The following CACNA2D1 variants were observed in gnomAD, a reference collection of about 807,000 sequenced individuals.
The protein encoded by CACNA2D1 is voltage-dependent calcium channel subunit alpha-2/delta-1.
A neutral mutation model predicts 171.5 loss-of-function variants in CACNA2D1; 53 were observed. That is an observed-to-expected ratio of 0.31 (90% CI 0.25 to 0.39). The LOEUF (loss-of-function observed/expected upper bound fraction) is 0.39. Among genes scored for constraint, CACNA2D1 ranks in the 10% least tolerant of loss-of-function variants. CACNA2D1 has a pLI of 1.00. For missense variants in CACNA2D1, 903 were observed against 1,299.8 expected (o/e 0.69, Z 4.69); for synonymous variants, 442 against 443.1 (o/e 1.00, Z 0.03).
intron 6 of CACNA2D1, among the ~76,000 whole-genome samples, chr7:82,095,096 C>T (rs1330359443): frequency 6.6e-6 from 1 of 152,162 alleles, no homozygotes; most frequent in Non-Finnish European, 1.5e-5. Context: ...CAAGCCATAA[C>T]AAGACTTTTG....
chr7:82,376,277 A>C (rs917190), intron 1 of CACNA2D1, among the ~76,000 whole-genome samples: 110,454 of 152,020 alleles, frequency 0.73, 40,480 homozygotes, highest in African/African-American at 0.83. Context: ...ATGAAACAAG[A>C]TTTAATGCAC....
At chr7:82,130,032 T>A (rs1270596649) in intron 5 of CACNA2D1, among the ~76,000 whole-genome samples, 1 of 152,192 alleles carries the variant, frequency 6.6e-6, no homozygotes, top group Non-Finnish European at 1.5e-5. Flanking sequence ...AATTAAAGTA[T>A]GGGGAAGTAA....
At chr7:82,017,598 G>C (rs953525356) in intron 12 of CACNA2D1, among the ~76,000 whole-genome samples, 3 of 147,626 alleles carry the variant, frequency 2.0e-5, no homozygotes, top group Non-Finnish European at 4.5e-5. Flanking sequence ...TTGATACCCT[G>C]CTTCTTCAGA....
upstream of CACNA2D1, chr7:82,443,807 C>A (rs1012262350): frequency 3.8e-5 from 32 of 853,138 alleles, no homozygotes; most frequent in African/African-American, 5.3e-5. Context: ...CTGATTTATT[C>A]CCCCGATTGC....
Position 82,116,961 on chromosome 7 carries a change from CT to C in CACNA2D1, c.526+82del, listed in dbSNP as rs543569119. The C allele has an allele frequency of 2.6e-4, 380 of 1,462,236 alleles. 1 individual carries two copies. The African/African-American group carries it at 3.7e-3, about 14-fold the overall frequency. The allele number at this position is 1,462,236 out of a possible 1,614,324, so 90.6% of individuals were successfully genotyped here. On this transcript the variant is annotated intron_variant, in intron 6 of 38. Transcript: ENST00000356860. The stretch of plus-strand genomic sequence containing the variant: ...CAAACAAAACAATGTCACATTTGCT[CT>C]TTTTTTTCCCCCTCAAACATGGGAA...
intron 3 of CACNA2D1, among the ~76,000 whole-genome samples, chr7:82,293,143 T>C (rs1043068143): frequency 3.3e-5 from 5 of 152,096 alleles, no homozygotes; most frequent in African/African-American, 1.2e-4. Flanking sequence ...TGAATTTTTA[T>C]AAATTATCTC....
intron 3 of CACNA2D1, among the ~76,000 whole-genome samples, chr7:82,294,698 T>G (rs903492200): frequency 6.6e-6 from 1 of 152,130 alleles, no homozygotes; most frequent in African/African-American, 2.4e-5. Context: ...TTAAAGCAGT[T>G]ATATATCTGA....
intron 7 of CACNA2D1, among the ~76,000 whole-genome samples, chr7:82,082,859 C>T (rs962271901): frequency 2.6e-5 from 4 of 151,732 alleles, no homozygotes; most frequent in Admixed American, 1.3e-4. Flanking sequence ...AGCCATCATC[C>T]CTCAATTAGC....
chr7:82,196,816 A>T (rs1482219878), intron 3 of CACNA2D1, among the ~76,000 whole-genome samples: 3 of 147,076 alleles, frequency 2.0e-5, no homozygotes, highest in Non-Finnish European at 4.5e-5. Flanking sequence ...CATCTGGTAC[A>T]TTTTTTTTTT....
intron 1 of CACNA2D1, among the ~76,000 whole-genome samples, chr7:82,407,435 TATTA>T (rs1054758497): frequency 2.6e-5 from 4 of 152,348 alleles, no homozygotes; most frequent in Non-Finnish European, 2.9e-5. Flanking sequence ...TACTGTTATT[TATTA>T]ATTGATTTTT....
chr7:82,321,436 AC>A (rs1055180193), intron 3 of CACNA2D1, among the ~76,000 whole-genome samples: 7 of 151,840 alleles, frequency 4.6e-5, no homozygotes, highest in African/African-American at 1.7e-4. Context: ...ATAGAGTCTT[AC>A]CCCCTCCTCA....
intron 1 of CACNA2D1, among the ~76,000 whole-genome samples, chr7:82,353,545 C>T (rs1294433312): frequency 6.6e-6 from 1 of 151,300 alleles, no homozygotes; most frequent in Non-Finnish European, 1.5e-5. Context: ...GAGTGTACAG[C>T]GAAAGGAAGG....
At chr7:82,072,430 T>C (rs1808436427) in intron 7 of CACNA2D1, among the ~76,000 whole-genome samples, 1 of 151,954 alleles carries the variant, frequency 6.6e-6, no homozygotes, top group Admixed American at 6.6e-5. Flanking sequence ...TAGGAGAGTA[T>C]TATTTTGTCC....
intron 3 of CACNA2D1, among the ~76,000 whole-genome samples, chr7:82,299,020 G>T (rs918724507): frequency 7.0e-6 from 1 of 143,574 alleles, no homozygotes; most frequent in South Asian, 2.2e-4. Flanking sequence ...CTGAGATCAC[G>T]CCATTGCACC....
intron 24 of CACNA2D1, among the ~76,000 whole-genome samples, chr7:81,982,246 C>T (rs1796513532): frequency 6.6e-6 from 1 of 152,082 alleles, no homozygotes; most frequent in Non-Finnish European, 1.5e-5. Context: ...TCTCCTGCCT[C>T]AGCCTCCCAA....
At chr7:82,135,995 G>A (rs753060338) in intron 5 of CACNA2D1, among the ~76,000 whole-genome samples, 17 of 151,976 alleles carry the variant, frequency 1.1e-4, no homozygotes, top group Admixed American at 9.2e-4. Flanking sequence ...AGATAACTTC[G>A]CAACTCTATT....
intron 1 of CACNA2D1, among the ~76,000 whole-genome samples, chr7:82,384,122 T>C (rs1161392621): frequency 6.6e-6 from 1 of 152,232 alleles, no homozygotes; most frequent in Non-Finnish European, 1.5e-5. Context: ...ACATTTCATC[T>C]GACTAAAACC....
chr7:82,245,790 T>C (rs1804849429), intron 3 of CACNA2D1, among the ~76,000 whole-genome samples: 1 of 152,150 alleles, frequency 6.6e-6, no homozygotes, highest in Non-Finnish European at 1.5e-5. Flanking sequence ...AAGATACATG[T>C]ATGTTATGGT....
chr7:81,970,523 T>A, intron 27 of CACNA2D1, 152 bp downstream of exon 27: 1 of 614,074 alleles, frequency 1.6e-6, no homozygotes, highest in Non-Finnish European at 3.0e-6. Flanking sequence ...AAATAAAATC[T>A]TTTAATAATG....
Sources: allele counts gnomAD v4.1 joint callset (sites outside exome capture counted in the v4.1 genomes callset), GRCh38; gene constraint gnomAD v4.1.1; transcripts MANE v1.5; gene names NCBI Gene and HGNC (gene_info 2026-07-23, HGNC 2026-07-21).